The following C12orf54 variants were observed in gnomAD, a reference collection of about 807,000 sequenced individuals.
C12orf54 encodes uncharacterized protein C12orf54.
C12orf54 carries 24 observed loss-of-function variants against 26.4 expected under a neutral mutation model. The observed-to-expected ratio is 0.91, with a 90% CI of 0.66 to 1.28. The LOEUF is 1.28. Ranked by LOEUF, C12orf54 falls within the 50% of genes most tolerant of loss-of-function variation. The pLI, the probability that C12orf54 is intolerant of heterozygous loss-of-function variation, is 0.00. For missense variants in C12orf54, 154 were observed against 150.9 expected (o/e 1.02, Z -0.11); for synonymous variants, 54 against 47.0 (o/e 1.15, Z -0.61).
At chr12:48,433,888 C>A in the C12orf54 span, among the ~76,000 whole-genome samples, 1 of 152,338 alleles carries the variant, frequency 6.6e-6, no homozygotes, top group South Asian at 2.1e-4. Context: ...CTGGGTTCAT[C>A]TCACTGAGGC....
At chr12:48,432,069 G>C in the C12orf54 span, among the ~76,000 whole-genome samples, 1 of 152,164 alleles carries the variant, frequency 6.6e-6, no homozygotes, top group Non-Finnish European at 1.5e-5. Context: ...AAATTCCTAA[G>C]TTAAATACTG....
chr12:48,419,999 G>T, the C12orf54 span, among the ~76,000 whole-genome samples: 2 of 152,062 alleles, frequency 1.3e-5, no homozygotes, highest in African/African-American at 4.8e-5. Flanking sequence ...AGAAAAAAGA[G>T]AAATATAATT....
intron 4 of C12orf54, 51 bp downstream of exon 4, chr12:48,486,777 G>T: frequency 1.3e-6 from 2 of 1,553,228 alleles, no homozygotes; most frequent in Non-Finnish European, 1.8e-6. Context: ...TGGGAGGTGG[G>T]GGAAGTCTTC....
rs1311118851 is a variant in C12orf54 at position 48,494,088 on chromosome 12, AGG to A, written c.243-709_243-708del. Reference sequence around the variant, plus strand: ...ACAAAAATTAGCTGGGCGTGGTGGCAGGTGCCTGTAACCCCAGCTACTCGGGA... The same window carrying A: ...ACAAAAATTAGCTGGGCGTGGTGGCATGCCTGTAACCCCAGCTACTCGGGA... On this transcript the variant is annotated intron_variant, in intron 7 of 8. Transcript: ENST00000548364. Among the ~76,000 whole-genome samples the A allele has an allele frequency of 0.052, 2,674 of 51,652 alleles. 850 individuals carry two copies. In the East Asian group the frequency reaches 0.55, roughly 11 times the overall value. 33.9% of individuals were successfully genotyped at this position (51,652 alleles called of 152,430 possible).
chr12:48,488,495 A>AAAAC lies in C12orf54; in HGVS notation c.136-429_136-428insAAAC, dbSNP rs67325885. On this transcript the variant is annotated intron_variant, in intron 4 of 8. Coordinates refer to ENST00000548364, the MANE Select transcript of C12orf54 (RefSeq NM_152319.4). ...AAACTTACAGCCAAAAAAAAAAAAA[A>AAAAC]GAAAGAAAGAAAAGAAAGTGCCGGA... 1,972 of 334,088 alleles carry AAAAC rather than the reference A, an allele frequency of 5.9e-3. 38 individuals carry two copies. The highest frequency in any genetic ancestry group is 9.2e-3 in the South Asian group (348 of 37,972). 20.7% of individuals were successfully genotyped at this position (334,088 alleles called of 1,614,324 possible).
chr12:48,452,127 A>T, the C12orf54 span, among the ~76,000 whole-genome samples: 1 of 152,324 alleles, frequency 6.6e-6, no homozygotes, highest in Non-Finnish European at 1.5e-5. Flanking sequence ...GTACTGGTAC[A>T]AGAACAGACA....
At chr12:48,483,554 T>C (rs1954223344) in intron 2 of C12orf54, 193 bp downstream of exon 2, 1 of 543,130 alleles carries the variant, frequency 1.8e-6, no homozygotes, top group Non-Finnish European at 3.2e-6. Flanking sequence ...ATCTTTGTCA[T>C]TTTAATTTAG....
chr12:48,461,418 A>G, the C12orf54 span, among the ~76,000 whole-genome samples: 1 of 151,910 alleles, frequency 6.6e-6, no homozygotes, highest in Non-Finnish European at 1.5e-5. Flanking sequence ...TCTCCACCCA[A>G]CAACAGTATA....
At chr12:48,485,013 G>T (rs970243413) in intron 2 of C12orf54, among the ~76,000 whole-genome samples, 5 of 152,254 alleles carry the variant, frequency 3.3e-5, no homozygotes, top group Non-Finnish European at 7.4e-5. Flanking sequence ...TGCTATTAAT[G>T]TTCATCAGGA....
the C12orf54 span, among the ~76,000 whole-genome samples, chr12:48,428,313 CA>C: frequency 4.6e-5 from 7 of 150,660 alleles, no homozygotes; most frequent in Non-Finnish European, 8.9e-5. Flanking sequence ...AGGAAATAAC[CA>C]AGATCAGAGA....
chr12:48,473,211 G>T, the C12orf54 span: 5 of 1,273,452 alleles, frequency 3.9e-6, no homozygotes, highest in Non-Finnish European at 5.7e-6. Flanking sequence ...TGATGAAGAT[G>T]CTCAGGTAAT....
intron 5 of C12orf54, among the ~76,000 whole-genome samples, chr12:48,489,808 G>T (rs538853388): frequency 6.7e-6 from 1 of 150,332 alleles, no homozygotes; most frequent in Non-Finnish European, 1.5e-5. Context: ...CACAACCTCC[G>T]CCTCCCGAGT....
chr12:48,447,993 G>T, the C12orf54 span, among the ~76,000 whole-genome samples: 1 of 151,862 alleles, frequency 6.6e-6, no homozygotes, highest in South Asian at 2.1e-4. Flanking sequence ...GCCTCTAGGA[G>T]CAAAGACCAG....
the C12orf54 span, among the ~76,000 whole-genome samples, chr12:48,430,048 A>G: frequency 6.6e-6 from 1 of 152,358 alleles, no homozygotes; most frequent in East Asian, 1.9e-4. Context: ...AAAGCAAACA[A>G]AAACATAAAG....
the C12orf54 span, among the ~76,000 whole-genome samples, chr12:48,444,530 G>A: frequency 3.4e-3 from 518 of 152,312 alleles, 1 homozygote; most frequent in African/African-American, 0.011. Context: ...GACAAAGTTG[G>A]AAATTCTAGC....
chr12:48,439,619 C>A, the C12orf54 span, among the ~76,000 whole-genome samples: 5 of 152,092 alleles, frequency 3.3e-5, no homozygotes, highest in East Asian at 9.6e-4. Context: ...AAGCTGGAAA[C>A]CATCATTCTC....
At chr12:48,420,436 A>T in the C12orf54 span, among the ~76,000 whole-genome samples, 1 of 152,228 alleles carries the variant, frequency 6.6e-6, no homozygotes, top group East Asian at 1.9e-4. Flanking sequence ...GAAAACTTGA[A>T]GTTGCAAATT....
At chr12:48,444,061 A>G in the C12orf54 span, among the ~76,000 whole-genome samples, 1 of 152,244 alleles carries the variant, frequency 6.6e-6, no homozygotes, top group Non-Finnish European at 1.5e-5. Context: ...TTGAATATCA[A>G]TGTGAGAATT....
the C12orf54 span, chr12:48,472,981 T>G: frequency 6.2e-7 from 1 of 1,614,064 alleles, no homozygotes; most frequent in Non-Finnish European, 8.5e-7. Flanking sequence ...CTCAGCACAA[T>G]AGAGCCCCTG....
Sources: gnomAD v4.1 joint callset for allele counts (sites outside exome capture counted in the v4.1 genomes callset) on GRCh38, gnomAD v4.1.1 for gene constraint, MANE v1.5 for transcripts, NCBI Gene and HGNC (gene_info 2026-07-23, HGNC 2026-07-21) for gene names.